DCDC1: variants seen among roughly 807,000 people sequenced by gnomAD.
The protein encoded by DCDC1 is doublecortin domain containing 1, also known as doublecortin domain-containing protein 1.
In DCDC1, 200 loss-of-function variants were observed where a neutral mutation model predicts 178.3. That is an observed-to-expected ratio of 1.12 (90% CI 1.00 to 1.26). The LOEUF is 1.26. Among genes scored for constraint, DCDC1 ranks in the 50% most tolerant of loss-of-function variants. The pLI is 0.00. For missense variants in DCDC1, 1,983 were observed against 1,749.2 expected (o/e 1.13, Z -2.38); for synonymous variants, 690 against 604.8 (o/e 1.14, Z -2.07).
At chr11:31,002,550 T>C (rs1018031347) in intron 20 of DCDC1, among the ~76,000 whole-genome samples, 27 of 152,144 alleles carry the variant, frequency 1.8e-4, no homozygotes, top group Non-Finnish European at 1.2e-4. Flanking sequence ...GGATAAGCTT[T>C]ATGTAGAGAA....
At chr11:31,166,517 T>C (rs1002354464) in intron 9 of DCDC1, among the ~76,000 whole-genome samples, 4 of 152,128 alleles carry the variant, frequency 2.6e-5, no homozygotes, top group Non-Finnish European at 5.9e-5. Flanking sequence ...GACAAAAGAA[T>C]CAAGTGTATT....
chr11:30,927,713 C>CTATTAGATCATACCTCAGT (rs1946674269), intron 22 of DCDC1, among the ~76,000 whole-genome samples: 1 of 152,106 alleles, frequency 6.6e-6, no homozygotes, highest in African/African-American at 2.4e-5. Flanking sequence ...ACTTATTATA[C>CTATTAGATCATACCTCAGT]TATTAGATCA....
At chr11:30,993,392 G>A (rs1453708027) in intron 20 of DCDC1, among the ~76,000 whole-genome samples, 1 of 151,982 alleles carries the variant, frequency 6.6e-6, no homozygotes, top group Non-Finnish European at 1.5e-5. Context: ...TGTAAAATCT[G>A]TAATCTAAGC....
intron 9 of DCDC1, among the ~76,000 whole-genome samples, chr11:31,191,722 G>A (rs1970156610): frequency 6.6e-6 from 1 of 151,980 alleles, no homozygotes; most frequent in African/African-American, 2.4e-5. Context: ...ACAAAGAAGT[G>A]AAAAGATAAA....
intron 12 of DCDC1, among the ~76,000 whole-genome samples, chr11:31,108,206 T>C (rs1369715282): frequency 6.6e-6 from 1 of 152,186 alleles, no homozygotes; most frequent in African/African-American, 2.4e-5. Context: ...GTGTTTTCAT[T>C]AGCTGAAGAT....
chr11:30,881,692 C>G (rs1375111371), intron 36 of DCDC1, among the ~76,000 whole-genome samples: 3 of 152,154 alleles, frequency 2.0e-5, no homozygotes, highest in Non-Finnish European at 4.4e-5. Context: ...GACCCAGGCT[C>G]TGGCCTCTTT....
At position 30,878,716 on chromosome 11, in the gene DCDC1, T is replaced by TAATAA. The variant is rs1942372493; in HGVS notation, c.5234-6_5234-5insTTATT. The TAATAA allele has an allele frequency of 7.9e-7, 1 of 1,263,130 alleles. No homozygotes were observed. The highest frequency in any genetic ancestry group is 1.1e-6 in the Non-Finnish European group (1 of 945,892). 78.2% of individuals were successfully genotyped at this position (1,263,130 alleles called of 1,614,324 possible). A position where few individuals can be genotyped will look rare whatever the true frequency, so the allele number is the denominator to read the frequency against. ...TCTCCATCAGTTGTTTTAACTCTGT[T>TAATAA]AAAAAAAAAAAAAAAAGAAGTTGAG... On this transcript the variant is annotated splice_polypyrimidine_tract_variant and splice_region_variant and intron_variant, in intron 37 of 38. Transcript: ENST00000684477.
intron 9 of DCDC1, among the ~76,000 whole-genome samples, chr11:31,166,664 G>GAGAGAA (rs1966818893): frequency 6.6e-6 from 1 of 151,810 alleles, no homozygotes; most frequent in Non-Finnish European, 1.5e-5. Flanking sequence ...AAAGGGAAGG[G>GAGAGAA]AGAGAAAGAG....
intron 13 of DCDC1, 45 bp from the exon 14 acceptor site, chr11:31,103,814 T>C (rs766358174): frequency 5.3e-6 from 4 of 748,686 alleles, no homozygotes; most frequent in South Asian, 2.8e-5. Flanking sequence ...AAATTAGACA[T>C]ACATTGTAAT....
chr11:30,950,642 A>G (rs1447937141), intron 21 of DCDC1, among the ~76,000 whole-genome samples: 2 of 152,164 alleles, frequency 1.3e-5, no homozygotes, highest in East Asian at 3.9e-4. Flanking sequence ...CATAGGAGCA[A>G]AAAAATAAAT....
chr11:30,977,076 G>A (rs1950144877), intron 20 of DCDC1, among the ~76,000 whole-genome samples: 1 of 152,132 alleles, frequency 6.6e-6, no homozygotes, highest in Non-Finnish European at 1.5e-5. Flanking sequence ...AATAAGCCAG[G>A]AACAGAAAGA....
At chr11:31,265,454 A>G in intron 8 of DCDC1, 53 bp downstream of exon 8, 1 of 1,048,790 alleles carries the variant, frequency 9.5e-7, no homozygotes. Context: ...AAAACAAAAT[A>G]TAAATGTCTT....
chr11:30,998,729 A>C (rs894110500), intron 20 of DCDC1, among the ~76,000 whole-genome samples: 4 of 152,174 alleles, frequency 2.6e-5, no homozygotes, highest in Non-Finnish European at 5.9e-5. Flanking sequence ...AATTATTGTG[A>C]TGTCCAAACT....
At chr11:30,955,571 T>C (rs1488593225) in intron 20 of DCDC1, among the ~76,000 whole-genome samples, 1 of 152,162 alleles carries the variant, frequency 6.6e-6, no homozygotes, top group Non-Finnish European at 1.5e-5. Context: ...TACACCACTT[T>C]CAAAATCCTG....
At chr11:30,930,841 G>A (rs974344114) in intron 22 of DCDC1, among the ~76,000 whole-genome samples, 2 of 152,106 alleles carry the variant, frequency 1.3e-5, no homozygotes, top group African/African-American at 4.8e-5. Flanking sequence ...CTAGCAGAAT[G>A]AGCTAATTAT....
intron 6 of DCDC1, among the ~76,000 whole-genome samples, chr11:31,297,031 T>C (rs1354343618): frequency 2.6e-5 from 4 of 152,158 alleles, no homozygotes; most frequent in Admixed American, 2.6e-4. Context: ...ACATCACCCC[T>C]CTGAGGACAT....
intron 34 of DCDC1, among the ~76,000 whole-genome samples, chr11:30,897,851 A>G (rs915767066): frequency 6.6e-6 from 1 of 152,174 alleles, no homozygotes; most frequent in African/African-American, 2.4e-5. Flanking sequence ...ATAAATGGGT[A>G]ATCATAATAA....
intron 9 of DCDC1, among the ~76,000 whole-genome samples, chr11:31,228,970 A>T (rs1464497455): frequency 6.6e-6 from 1 of 152,114 alleles, no homozygotes; most frequent in Non-Finnish European, 1.5e-5. Context: ...GGGTGATGGG[A>T]TCATTTGTAC....
chr11:31,283,382 T>C (rs1346851629), intron 7 of DCDC1, among the ~76,000 whole-genome samples: 1 of 152,092 alleles, frequency 6.6e-6, no homozygotes, highest in African/African-American at 2.4e-5. Flanking sequence ...TTTTTGTTTT[T>C]TGTTTTTTTT....
Sources: gnomAD v4.1 joint callset for allele counts (sites outside exome capture counted in the v4.1 genomes callset) on GRCh38, gnomAD v4.1.1 for gene constraint, MANE v1.5 for transcripts, NCBI Gene and HGNC (gene_info 2026-07-23, HGNC 2026-07-21) for gene names.